The following HFM1 variants were observed in gnomAD, a reference collection of about 807,000 sequenced individuals.
HFM1 encodes helicase for meiosis 1.
In HFM1, 169 loss-of-function variants were observed where a neutral mutation model predicts 192.1. The observed-to-expected ratio is 0.88, with a 90% CI of 0.78 to 1.00. The LOEUF (loss-of-function observed/expected upper bound fraction) is 1.00. Ranked by LOEUF, HFM1 falls within the 50% of genes least tolerant of loss-of-function variation. The pLI, the probability that HFM1 is intolerant of heterozygous loss-of-function variation, is 0.00. For synonymous variants in HFM1, 525 were observed against 537.8 expected, an observed-to-expected ratio of 0.98 and a Z score of 0.33; for missense variants, 1,661 against 1,668.0, an observed-to-expected ratio of 1.00 and a Z score of 0.07.
upstream of HFM1, among the ~76,000 whole-genome samples, chr1:91,405,189 T>C (rs952597213): frequency 6.6e-6 from 1 of 152,180 alleles, no homozygotes; most frequent in African/African-American, 2.4e-5. Flanking sequence ...ATATTATTTA[T>C]AAAATATCAC....
intron 30 of HFM1, among the ~76,000 whole-genome samples, chr1:91,290,969 T>C (rs142787635): frequency 0.1 from 15,725 of 152,014 alleles, 908 homozygotes; most frequent in Middle Eastern, 0.17. Context: ...CATAACGAAA[T>C]GAAGGCAGAA....
intron 30 of HFM1, among the ~76,000 whole-genome samples, chr1:91,290,117 G>A (rs936614456): frequency 4.6e-5 from 7 of 152,012 alleles, no homozygotes; most frequent in African/African-American, 1.4e-4. Flanking sequence ...AAAGACCATC[G>A]AGACTAGGAA....
rs189518998 is a variant in HFM1 at position 91,315,137 on chromosome 1, A to G, written c.3140+678T>C. 1.1e-4 allele frequency among the ~76,000 whole-genome samples: 16 copies of G among 152,334 alleles called. No homozygotes were observed. In the East Asian group the frequency reaches 3.1e-3, roughly 29 times the overall value. The stretch of plus-strand genomic sequence containing the variant: ...TGGTTAATCATAAATCAAACTCATT[A>G]AACTCTTTTTGTCTCAATTTCCTCC... On this transcript the variant is annotated intron_variant, in intron 28 of 38. Transcript: ENST00000370425.
Position 91,323,077 on chromosome 1 carries a change from T to C in HFM1, c.2534+16A>G, listed in dbSNP as rs775943467. On this transcript the variant is annotated intron_variant, in intron 22 of 38. Coordinates refer to ENST00000370425, the MANE Select transcript of HFM1 (RefSeq NM_001017975.6). ...AAACCTCTTAAAATTATTTAAAACA[T>C]ATGTAATTTCTGTACCTGATAGTTA... The C allele has an allele frequency of 3.5e-6, 5 of 1,423,202 alleles. No homozygotes were observed. Among genetic ancestry groups the C allele is most frequent in the South Asian group, 1.3e-5 (1 of 75,304 alleles). 88.2% of individuals were successfully genotyped at this position (1,423,202 alleles called of 1,614,324 possible).
At chr1:91,277,807 AATAT>A (rs1226935208) in intron 30 of HFM1, among the ~76,000 whole-genome samples, 1 of 123,024 alleles carries the variant, frequency 8.1e-6, no homozygotes, top group Admixed American at 1.0e-4. Flanking sequence ...AATATATACT[AATAT>A]ATAATATATA....
chr1:91,375,610 T>A lies in HFM1; in HGVS notation c.1513A>T (p.Thr505Ser). 1 of 1,613,548 alleles carries A rather than the reference T, an allele frequency of 6.2e-7. No homozygotes were observed. Among genetic ancestry groups the A allele is most frequent in the Non-Finnish European group, 8.5e-7 (1 of 1,179,592 alleles). ...AGGGTTAAATCAAACTTAAACTCAGTTTGGTTACTACTGCAGGGAAATCCA... is the reference window on the plus strand; with the variant it reads ...AGGGTTAAATCAAACTTAAACTCAGATTGGTTACTACTGCAGGGAAATCCA... ...VLGFPCSSNQ[T>S]EFKFDLTLNY... Residue 505 changes from threonine to serine, a missense_variant, in exon 12 of 39, where the codon ACT becomes TCT. Transcript: ENST00000370425.
At chr1:91,370,768 G>C (rs1295652610) in intron 13 of HFM1, among the ~76,000 whole-genome samples, 1 of 152,034 alleles carries the variant, frequency 6.6e-6, no homozygotes, top group Non-Finnish European at 1.5e-5. Context: ...AAGAAATAAA[G>C]GGTATTCAAT....
intron 13 of HFM1, among the ~76,000 whole-genome samples, chr1:91,367,169 C>T (rs1035116207): frequency 6.6e-6 from 1 of 152,228 alleles, no homozygotes; most frequent in African/African-American, 2.4e-5. Context: ...TCTGTAGACT[C>T]CACCTCTGGG....
chr1:91,391,868 G>C (rs1483788870), intron 4 of HFM1, among the ~76,000 whole-genome samples: 2 of 150,860 alleles, frequency 1.3e-5, no homozygotes, highest in Non-Finnish European at 3.0e-5. Context: ...CTAATATCCA[G>C]AATCTACAAA....
rs953754735 is a variant in HFM1, at chr1:91,379,366, C to T, written c.1007-152G>A. On this transcript the variant is annotated intron_variant, in intron 8 of 38. Coordinates refer to ENST00000370425, the MANE Select transcript of HFM1 (RefSeq NM_001017975.6). ...ATGAACAATATAGGCACATTATTTA[C>T]AGCAGGGGTGTCCAGTCTTTTGGCT... 8 of 623,082 alleles carry T rather than the reference C, an allele frequency of 1.3e-5. No individual in the cohort carries two copies. In the Admixed American group the frequency reaches 1.4e-4, roughly 11 times the overall value. 38.6% of individuals were successfully genotyped at this position (623,082 alleles called of 1,614,324 possible).
intron 31 of HFM1, 40 bp downstream of exon 31, chr1:91,276,942 A>G: frequency 7.9e-7 from 1 of 1,267,746 alleles, no homozygotes; most frequent in Non-Finnish European, 1.1e-6. Flanking sequence ...AGACCTTTCA[A>G]TTTTGAACAC....
Position 91,385,213 on chromosome 1 carries a change from C to T in HFM1, c.776G>A (p.Gly259Asp), listed in dbSNP as rs890289872. Residue 259 changes from glycine to aspartate, a missense_variant, in exon 6 of 39, where the codon GGT (glycine) becomes GAT (aspartate). By Grantham distance (94) the Gly-to-Asp change is moderately conservative. Coordinates refer to ENST00000370425, the MANE Select transcript of HFM1 (RefSeq NM_001017975.6). ...DIQEVTENGL[G>D]SLKAVTEIPA... ...AATTTCTGTGACAGCCTTCAAGGAACCTAAACCATTTTCTGTTACCTCTGA... is the reference window on the plus strand; with the variant it reads ...AATTTCTGTGACAGCCTTCAAGGAATCTAAACCATTTTCTGTTACCTCTGA... The T allele has an allele frequency of 6.4e-7, 1 of 1,566,740 alleles. No homozygotes were observed. The highest frequency in any genetic ancestry group is 8.7e-7 in the Non-Finnish European group (1 of 1,143,444).
chr1:91,398,681 C>T (rs1663957236), intron 2 of HFM1, among the ~76,000 whole-genome samples: 1 of 151,638 alleles, frequency 6.6e-6, no homozygotes, highest in African/African-American at 2.4e-5. Flanking sequence ...TGCATTGTCT[C>T]TCCTCATCTT....
chr1:91,407,952 C>T (rs147215042), upstream of HFM1, among the ~76,000 whole-genome samples: 2 of 152,198 alleles, frequency 1.3e-5, no homozygotes, highest in East Asian at 3.9e-4. Context: ...GGCAACACAG[C>T]GAGACTTCAT....
chr1:91,355,732 A>T (rs183821332), intron 13 of HFM1, among the ~76,000 whole-genome samples: 22 of 152,318 alleles, frequency 1.4e-4, no homozygotes, highest in Admixed American at 3.3e-4. Flanking sequence ...TTATTAAAGG[A>T]CATGAAGAGA....
rs1661499168 is a variant in HFM1 at position 91,381,047 on chromosome 1, A to C, written c.803-65T>G. Reference sequence around the variant, plus strand: ...AAAAATTAGTTACTTTTATTTTAAAACTAAGTTACATTAATATAGATTCTG... The same window carrying C: ...AAAAATTAGTTACTTTTATTTTAAACCTAAGTTACATTAATATAGATTCTG... On this transcript the variant is annotated intron_variant, in intron 6 of 38. Transcript: ENST00000370425. The C allele has an allele frequency of 5.4e-6, 4 of 746,510 alleles. No individual in the cohort carries two copies. The Admixed American group carries it at 6.6e-5, about 12-fold the overall frequency. 46.2% of individuals were successfully genotyped at this position (746,510 alleles called of 1,614,324 possible). A position where few individuals can be genotyped will look rare whatever the true frequency, so the allele number is the denominator to read the frequency against.
chr1:91,356,890 C>T (rs918603880), intron 13 of HFM1, among the ~76,000 whole-genome samples: 5 of 152,026 alleles, frequency 3.3e-5, no homozygotes, highest in Admixed American at 2.6e-4. Context: ...ATACAACCTG[C>T]TAAGTTTGAA....
chr1:91,296,926 G>C (rs1334459826), intron 30 of HFM1, among the ~76,000 whole-genome samples: 1 of 152,162 alleles, frequency 6.6e-6, no homozygotes. Context: ...TCTCACTGGG[G>C]AATGTCAGAC....
chr1:91,262,160 A>G, intron 38 of HFM1, 81 bp downstream of exon 38: 1 of 656,122 alleles, frequency 1.5e-6, no homozygotes, highest in Non-Finnish European at 2.4e-6. Flanking sequence ...CTTTAAAATG[A>G]AAAGGAAAAC....
Sources: allele counts gnomAD v4.1 joint callset (sites outside exome capture counted in the v4.1 genomes callset), GRCh38; gene constraint gnomAD v4.1.1; transcripts MANE v1.5; gene names NCBI Gene and HGNC (gene_info 2026-07-23, HGNC 2026-07-21).